The following RAD51B variants were observed in gnomAD, a reference collection of about 807,000 sequenced individuals.
The protein encoded by RAD51B is RAD51 paralog B.
Under a neutral mutation model 42.2 loss-of-function variants are expected in RAD51B, and 38 were observed. The ratio of observed to expected loss-of-function variants is 0.90; its 90% CI spans 0.70 to 1.18. RAD51B has a LOEUF of 1.18. RAD51B is among the 50% of genes most tolerant of loss of function. RAD51B has a pLI of 0.00. For synonymous variants in RAD51B, 154 were observed against 145.2 expected (o/e 1.06, Z -0.43); for missense variants, 373 against 400.7 (o/e 0.93, Z 0.59).
chr14:68,302,550 C>T (rs951805078), intron 8 of RAD51B, among the ~76,000 whole-genome samples: 4 of 151,824 alleles, frequency 2.6e-5, no homozygotes, highest in South Asian at 2.1e-4. Context: ...AACCCAGTGG[C>T]GCTAGAGGAA....
chr14:68,492,568 T>C (rs1300378293), intron 10 of RAD51B, among the ~76,000 whole-genome samples: 1 of 152,224 alleles, frequency 6.6e-6, no homozygotes, highest in Admixed American at 6.5e-5. Context: ...TGCTGACATT[T>C]GTTCTTGTGT....
At chr14:68,203,112 A>G (rs531452873) in intron 7 of RAD51B, among the ~76,000 whole-genome samples, 126 of 152,278 alleles carry the variant, frequency 8.3e-4, no homozygotes, top group African/African-American at 2.9e-3. Context: ...TCTTAATGGC[A>G]CCTAGAATTG....
At chr14:67,919,509 C>T (rs1023681095) in intron 7 of RAD51B, among the ~76,000 whole-genome samples, 1 of 152,140 alleles carries the variant, frequency 6.6e-6, no homozygotes, top group African/African-American at 2.4e-5. Flanking sequence ...CCATTAGTGC[C>T]TTCCATATAT....
At position 67,852,610 on chromosome 14, in the gene RAD51B, C is replaced by G. The variant is rs374295827; in HGVS notation, c.316-12393C>G. Among the ~76,000 whole-genome samples, 56 of 152,288 alleles carry G rather than the reference C, an allele frequency of 3.7e-4. No individual in the cohort carries two copies. The South Asian group carries it at 9.7e-3, about 26-fold the overall frequency. ...TTTTAAGACAAAGCCTTGGAAGTTACATACCATCATTTCTGCAGTATTCTA... is the reference window on the plus strand; with the variant it reads ...TTTTAAGACAAAGCCTTGGAAGTTAGATACCATCATTTCTGCAGTATTCTA... On this transcript the variant is annotated intron_variant, in intron 4 of 10. Coordinates refer to ENST00000471583, the MANE Select transcript of RAD51B (RefSeq NM_133510.4).
chr14:68,252,568 C>T (rs2080658729), intron 7 of RAD51B, among the ~76,000 whole-genome samples: 1 of 152,184 alleles, frequency 6.6e-6, no homozygotes, highest in South Asian at 2.1e-4. Flanking sequence ...AATAGGGTCA[C>T]ACTTATATAA....
intron 8 of RAD51B, among the ~76,000 whole-genome samples, chr14:68,296,990 T>G (rs908849943): frequency 7.2e-5 from 11 of 152,232 alleles, no homozygotes; most frequent in African/African-American, 2.7e-4. Context: ...AGGCTTTCTA[T>G]TCTGGTTGGA....
intron 7 of RAD51B, among the ~76,000 whole-genome samples, chr14:68,277,990 G>A (rs539627675): frequency 1.3e-5 from 2 of 152,310 alleles, no homozygotes; most frequent in African/African-American, 4.8e-5. Context: ...TGATCTGCCC[G>A]TCTTGGCCTC....
At chr14:67,961,607 T>C (rs1425829115) in intron 7 of RAD51B, among the ~76,000 whole-genome samples, 1 of 152,218 alleles carries the variant, frequency 6.6e-6, no homozygotes, top group East Asian at 1.9e-4. Context: ...TCTCTGAAAA[T>C]GTGTAGCTAT....
At chr14:68,481,026 C>T (rs1319459189), downstream of RAD51B, among the ~76,000 whole-genome samples, 1 of 152,202 alleles carries the variant, frequency 6.6e-6, no homozygotes, top group East Asian at 1.9e-4. Context: ...AGAACCCCTT[C>T]TTAGTCCATG....
chr14:68,049,799 G>A (rs1368363926), intron 7 of RAD51B, among the ~76,000 whole-genome samples: 2 of 152,128 alleles, frequency 1.3e-5, no homozygotes, highest in Admixed American at 6.5e-5. Context: ...CTCCAGGTCT[G>A]TATTTCTAAA....
chr14:68,095,461 T>C (rs940066312), intron 7 of RAD51B, among the ~76,000 whole-genome samples: 1 of 152,072 alleles, frequency 6.6e-6, no homozygotes, highest in African/African-American at 2.4e-5. Flanking sequence ...TATTTATGGG[T>C]ATGAAAAAAA....
At chr14:67,913,548 C>A (rs1397198806) in intron 7 of RAD51B, among the ~76,000 whole-genome samples, 1 of 152,186 alleles carries the variant, frequency 6.6e-6, no homozygotes, top group African/African-American at 2.4e-5. Context: ...CAAATTAAGA[C>A]AGTGGTACCA....
intron 10 of RAD51B, among the ~76,000 whole-genome samples, chr14:68,628,058 G>A (rs1338198375): frequency 6.6e-6 from 1 of 152,124 alleles, no homozygotes; most frequent in East Asian, 1.9e-4. Flanking sequence ...TAAACAAGGC[G>A]GAAGAAGCCC....
chr14:68,102,915 A>G (rs1440989451), intron 7 of RAD51B, among the ~76,000 whole-genome samples: 1 of 152,248 alleles, frequency 6.6e-6, no homozygotes, highest in Non-Finnish European at 1.5e-5. Flanking sequence ...TGGAGGCCTC[A>G]GGAAATCATG....
intron 7 of RAD51B, among the ~76,000 whole-genome samples, chr14:68,180,008 G>A (rs1242973921): frequency 2.0e-5 from 3 of 152,138 alleles, no homozygotes; most frequent in Admixed American, 2.0e-4. Flanking sequence ...GGGAGAGGGT[G>A]CCCTGTATTC....
chr14:68,051,598 A>AT (rs771660756), intron 7 of RAD51B, among the ~76,000 whole-genome samples: 2,211 of 146,014 alleles, frequency 0.015, 28 homozygotes, highest in Non-Finnish European at 0.023. Context: ...TGTTAATCTA[A>AT]TTTTTTTTTT....
At chr14:67,882,116 G>A (rs2140041149) in intron 5 of RAD51B, among the ~76,000 whole-genome samples, 1 of 152,242 alleles carries the variant, frequency 6.6e-6, no homozygotes, top group South Asian at 2.1e-4. Flanking sequence ...GGGACCACAG[G>A]CATATGCCAC....
intron 4 of RAD51B, among the ~76,000 whole-genome samples, chr14:67,855,876 G>T (rs539127144): frequency 2.6e-5 from 4 of 152,204 alleles, no homozygotes; most frequent in Non-Finnish European, 5.9e-5. Flanking sequence ...AGTACAGTCT[G>T]CTGACATTCA....
chr14:68,474,497 C>T (rs1458603849), intron 10 of RAD51B, among the ~76,000 whole-genome samples: 1 of 152,188 alleles, frequency 6.6e-6, no homozygotes, highest in Non-Finnish European at 1.5e-5. Flanking sequence ...AGAAAGTGAG[C>T]TTTTAATCTC....
Sources: allele counts gnomAD v4.1 joint callset (sites outside exome capture counted in the v4.1 genomes callset), GRCh38; gene constraint gnomAD v4.1.1; transcripts MANE v1.5; gene names NCBI Gene and HGNC (gene_info 2026-07-23, HGNC 2026-07-21).